TAOK3: variants seen among roughly 807,000 people sequenced by gnomAD.
TAOK3 encodes the protein TAO kinase 3.
Under a neutral mutation model 120.4 loss-of-function variants are expected in TAOK3, and 40 were observed. The observed-to-expected ratio is 0.33, with a 90% CI of 0.26 to 0.43. TAOK3 has a LOEUF of 0.43. Ranked by LOEUF, TAOK3 falls within the 20% of genes least tolerant of loss-of-function variation. The pLI is 1.00. For missense variants in TAOK3, 821 were observed against 1,112.1 expected, an observed-to-expected ratio of 0.74 and a Z score of 3.72; for synonymous variants, 355 against 387.5, an observed-to-expected ratio of 0.92 and a Z score of 0.99.
intron 1 of TAOK3, among the ~76,000 whole-genome samples, chr12:118,279,852 G>A (rs904897715): frequency 4.0e-5 from 6 of 149,388 alleles, no homozygotes; most frequent in African/African-American, 1.5e-4. Flanking sequence ...TGCAATCTCC[G>A]TCTCCTGGGT....
chr12:118,240,589 C>A (rs759737908), intron 5 of TAOK3, among the ~76,000 whole-genome samples: 12 of 151,948 alleles, frequency 7.9e-5, no homozygotes, highest in Non-Finnish European at 1.3e-4. Flanking sequence ...CGTGATCCAC[C>A]CACCTAGGCC....
chr12:118,354,088 T>G (rs1290386720), intron 1 of TAOK3, among the ~76,000 whole-genome samples: 4 of 152,244 alleles, frequency 2.6e-5, no homozygotes, highest in African/African-American at 4.8e-5. Context: ...ACATTCTTTA[T>G]GCAGTAGTTG....
chr12:118,160,477 A>G lies in TAOK3; in HGVS notation c.2140-119T>C, dbSNP rs775939984. ...TCTGTTTTTTGGTGCAGTGACTCAC[A>G]TTGCTAATCAATAAAAATCAAGCAG... is the stretch of plus-strand genomic sequence containing the variant. On this transcript the variant is annotated intron_variant, in intron 18 of 20. Transcript: ENST00000392533. The surrounding 1 kb of genome is among the most constrained non-coding windows in gnomAD (Gnocchi z 4.2). The G allele has an allele frequency of 2.0e-5, 15 of 757,776 alleles. No individual in the cohort carries two copies. Among genetic ancestry groups the G allele is most frequent in the Non-Finnish European group, 3.2e-5 (15 of 463,430 alleles). The allele number at this position is 757,776 out of a possible 1,614,324, so 46.9% of individuals were successfully genotyped here.
At chr12:118,275,307 T>C (rs910776165) in intron 1 of TAOK3, among the ~76,000 whole-genome samples, 10 of 151,938 alleles carry the variant, frequency 6.6e-5, no homozygotes, top group Non-Finnish European at 1.3e-4. Context: ...CCCAGCTAAC[T>C]TATTTTTTGT....
intron 17 of TAOK3, among the ~76,000 whole-genome samples, chr12:118,163,191 CT>C (rs767311702): frequency 5.3e-5 from 8 of 152,046 alleles, no homozygotes; most frequent in Non-Finnish European, 8.8e-5. Flanking sequence ...GCTATGAGGG[CT>C]GAGGATTAGA....
chr12:118,200,376 C>T (rs1175072186), intron 12 of TAOK3: 4 of 152,192 alleles, frequency 2.6e-5, no homozygotes, highest in Non-Finnish European at 4.4e-5. Context: ...TCCATCTCTA[C>T]TGCATTTAAA....
chr12:118,331,949 CCT>C (rs1356507256), intron 1 of TAOK3, among the ~76,000 whole-genome samples: 2 of 151,896 alleles, frequency 1.3e-5, no homozygotes, highest in Admixed American at 6.6e-5. Flanking sequence ...GCCTCAGTCC[CCT>C]GAGTAGCTGG....
At chr12:118,319,131 T>A (rs750479509) in intron 1 of TAOK3, among the ~76,000 whole-genome samples, 30 of 152,242 alleles carry the variant, frequency 2.0e-4, no homozygotes, top group Non-Finnish European at 3.8e-4. Flanking sequence ...AATCTGGTGA[T>A]GGATATGTTA....
chr12:118,159,956 AT>A, intron 19 of TAOK3, 189 bp downstream of exon 19: 2 of 610,624 alleles, frequency 3.3e-6, no homozygotes. Context: ...GTTCCATCTT[AT>A]AAGACACTCC....
At chr12:118,198,814 A>G in intron 13 of TAOK3, 1 of 536,462 alleles carries the variant, frequency 1.9e-6, no homozygotes, top group Non-Finnish European at 3.4e-6. Context: ...TCTTCAACTT[A>G]TTTATTGATG....
chr12:118,207,462 C>T (rs568333888), intron 11 of TAOK3, among the ~76,000 whole-genome samples: 1 of 152,138 alleles, frequency 6.6e-6, no homozygotes, highest in South Asian at 2.1e-4. Flanking sequence ...AACTAGAAAT[C>T]ATTTTACATG....
At chr12:118,286,134 G>T (rs903029711) in intron 1 of TAOK3, among the ~76,000 whole-genome samples, 2 of 152,044 alleles carry the variant, frequency 1.3e-5, no homozygotes, top group Non-Finnish European at 2.9e-5. Context: ...AGTGATTTGG[G>T]GGCTCCAAGA....
chr12:118,283,856 C>T (rs1457765653), intron 1 of TAOK3, among the ~76,000 whole-genome samples: 2 of 152,302 alleles, frequency 1.3e-5, no homozygotes, highest in Middle Eastern at 3.4e-3. Context: ...AATGTCTGTT[C>T]TGCGGATTTG....
chr12:118,350,857 T>A lies in TAOK3; in HGVS notation c.-194+21791A>T, dbSNP rs1336106362. Among the ~76,000 whole-genome samples the A allele has an allele frequency of 4.5e-5, 5 of 111,678 alleles. No individual in the cohort carries two copies. In the East Asian group the frequency reaches 1.2e-3, roughly 27 times the overall value. The allele number at this position is 111,678 out of a possible 152,430, so 73.3% of individuals were successfully genotyped here. ...CCTGGGCAACAAGACCAAAACTCCG[T>A]CTCAAAAAAAAAAAAAAGAAAAGAA... On this transcript the variant is annotated intron_variant, in intron 1 of 20. Transcript: ENST00000392533.
In TAOK3 at chr12:118,267,721, C is replaced by T. The variant is rs546305216; in HGVS notation, c.-193-962G>A. On this transcript the variant is annotated intron_variant, in intron 1 of 20. Transcript: ENST00000392533. ...CCAACATGGTGAAACCCCGTCTCTA[C>T]TGAAAATAAACAAACTAGCTGAGCC... Among the ~76,000 whole-genome samples, 325 of 150,936 alleles carry T rather than the reference C, an allele frequency of 2.2e-3. 7 individuals carry two copies. Among genetic ancestry groups the T allele is most frequent in the Middle Eastern group, 6.9e-3 (2 of 290 alleles).
intron 1 of TAOK3, among the ~76,000 whole-genome samples, chr12:118,313,128 T>TA (rs968455606): frequency 2.6e-5 from 4 of 152,098 alleles, no homozygotes; most frequent in African/African-American, 9.7e-5. Context: ...AAATCATATA[T>TA]AAAGAGACAG....
At chr12:118,308,639 C>T (rs2043140176) in intron 1 of TAOK3, among the ~76,000 whole-genome samples, 1 of 152,050 alleles carries the variant, frequency 6.6e-6, no homozygotes, top group South Asian at 2.1e-4. Context: ...GTAGAAAAGT[C>T]TGTAATTTGG....
At chr12:118,166,814 G>GTATA (rs535817182) in intron 17 of TAOK3, among the ~76,000 whole-genome samples, 13,580 of 137,656 alleles carry the variant, frequency 0.099, 803 homozygotes, top group South Asian at 0.15. Flanking sequence ...GTGTGTGTGT[G>GTATA]TATATATATA....
intron 1 of TAOK3, among the ~76,000 whole-genome samples, chr12:118,311,075 G>C (rs543245095): frequency 3.9e-5 from 6 of 152,230 alleles, no homozygotes; most frequent in Non-Finnish European, 1.5e-5. Flanking sequence ...TTAATGAACT[G>C]TGTCCAGCAA....
Sources: allele counts gnomAD v4.1 joint callset (sites outside exome capture counted in the v4.1 genomes callset), GRCh38; gene constraint gnomAD v4.1.1; non-coding constraint Gnocchi (gnomAD v3.1); transcripts MANE v1.5; gene names NCBI Gene and HGNC (gene_info 2026-07-23, HGNC 2026-07-21).